LRRC4C: variants seen among roughly 807,000 people sequenced by gnomAD.
The protein encoded by LRRC4C is leucine rich repeat containing 4C, also known as leucine-rich repeat-containing protein 4C.
LRRC4C carries 5 observed loss-of-function variants against 33.6 expected under a neutral mutation model. The observed-to-expected ratio is 0.15, with a 90% CI of 0.08 to 0.31. The LOEUF (loss-of-function observed/expected upper bound fraction) is 0.31, where lower values mean the gene tolerates loss of function less well. Among genes scored for constraint, LRRC4C ranks in the 10% least tolerant of loss-of-function variants. The pLI is 1.00. For synonymous variants in LRRC4C, 329 were observed against 302.0 expected (o/e 1.09, Z -0.93); for missense variants, 560 against 796.7 (o/e 0.70, Z 3.58).
chr11:40,392,318 A>G (rs1949368568), intron 3 of LRRC4C, among the ~76,000 whole-genome samples: 1 of 152,188 alleles, frequency 6.6e-6, no homozygotes, highest in Non-Finnish European at 1.5e-5. Flanking sequence ...AACATTAGTT[A>G]CTATTAATGT....
At chr11:40,892,070 G>A (rs1301794655) in intron 2 of LRRC4C, among the ~76,000 whole-genome samples, 1 of 147,818 alleles carries the variant, frequency 6.8e-6, no homozygotes, top group Non-Finnish European at 1.5e-5. Context: ...GTGAGGCGGA[G>A]CTTGCAGTGA....
At chr11:41,085,384 C>T (rs1019453075) in intron 1 of LRRC4C, among the ~76,000 whole-genome samples, 1 of 152,116 alleles carries the variant, frequency 6.6e-6, no homozygotes, top group African/African-American at 2.4e-5. Context: ...ACAAGTATAT[C>T]TCTCTTAAAG....
At chr11:40,882,411 A>G (rs1456449367) in intron 2 of LRRC4C, among the ~76,000 whole-genome samples, 1 of 152,166 alleles carries the variant, frequency 6.6e-6, no homozygotes, top group African/African-American at 2.4e-5. Context: ...ATATGGTCAC[A>G]CTACCTACGG....
At chr11:40,583,409 G>T (rs967054957) in intron 3 of LRRC4C, among the ~76,000 whole-genome samples, 1 of 152,126 alleles carries the variant, frequency 6.6e-6, no homozygotes, top group African/African-American at 2.4e-5. Context: ...ACCTTTAATG[G>T]TGCCGCTTTC....
At chr11:40,846,098 A>T (rs1403309570) in intron 2 of LRRC4C, among the ~76,000 whole-genome samples, 1 of 150,858 alleles carries the variant, frequency 6.6e-6, no homozygotes, top group African/African-American at 2.4e-5. Context: ...AGATGGACAG[A>T]TTGCAAAAAT....
rs116737860 is a variant in LRRC4C at position 40,402,244 on chromosome 11, A to T, written c.-269-82523T>A. 4.7e-3 allele frequency among the ~76,000 whole-genome samples: 718 copies of T among 152,256 alleles called. 3 individuals are homozygous for T. The highest frequency in any genetic ancestry group is 0.016 in the African/African-American group (672 of 41,568). On this transcript the variant is annotated intron_variant, in intron 3 of 6. Coordinates refer to ENST00000528697, the MANE Select transcript of LRRC4C (RefSeq NM_001258419.2). ...TATGTTTGTCTCCATTTGCCATTGT[A>T]AACAAAAGTTGGTATCAGTAATTCC...
intron 5 of LRRC4C, among the ~76,000 whole-genome samples, chr11:40,183,911 G>T (rs1342935935): frequency 6.6e-6 from 1 of 152,188 alleles, no homozygotes; most frequent in African/African-American, 2.4e-5. Context: ...GTCCTTGAGA[G>T]GGGTCAAGAG....
Position 40,390,941 on chromosome 11 carries a change from G to C in LRRC4C, c.-269-71220C>G, listed in dbSNP as rs1199688018. The stretch of plus-strand genomic sequence containing the variant: ...CTGTCACCCAGGCTGGAGTGCAATG[G>C]TGCAGTCTAGGCTCACTGCAACCTC... On this transcript the variant is annotated intron_variant, in intron 3 of 6. Coordinates refer to ENST00000528697, the MANE Select transcript of LRRC4C (RefSeq NM_001258419.2). Among the ~76,000 whole-genome samples, 7 of 152,150 alleles carry C rather than the reference G, an allele frequency of 4.6e-5. No homozygotes were observed. The South Asian group carries it at 1.2e-3, about 27-fold the overall frequency.
At chr11:40,543,813 C>G (rs968877928) in intron 3 of LRRC4C, among the ~76,000 whole-genome samples, 1 of 151,984 alleles carries the variant, frequency 6.6e-6, no homozygotes, top group Non-Finnish European at 1.5e-5. Context: ...GGAAACTTGT[C>G]AACAGTGATC....
intron 2 of LRRC4C, among the ~76,000 whole-genome samples, chr11:40,827,721 C>T (rs903324808): frequency 1.3e-5 from 2 of 151,432 alleles, no homozygotes; most frequent in Non-Finnish European, 3.0e-5. Context: ...AGTATGTTTG[C>T]GTGTGTGCAT....
intron 3 of LRRC4C, among the ~76,000 whole-genome samples, chr11:40,617,991 T>C (rs1294321560): frequency 1.3e-5 from 2 of 151,692 alleles, no homozygotes; most frequent in African/African-American, 4.8e-5. Context: ...CCCTTGTTCC[T>C]TCTTGCCCTG....
intron 1 of LRRC4C, among the ~76,000 whole-genome samples, chr11:41,311,391 A>C (rs1409999056): frequency 1.3e-5 from 2 of 152,216 alleles, no homozygotes; most frequent in African/African-American, 4.8e-5. Context: ...TATTGAAAAA[A>C]ATAAGAGCAG....
At chr11:40,657,382 C>T (rs1480071199) in intron 2 of LRRC4C, among the ~76,000 whole-genome samples, 1 of 152,156 alleles carries the variant, frequency 6.6e-6, no homozygotes. Flanking sequence ...TCAAACAGAG[C>T]CATGTTCTCT....
chr11:40,296,728 A>C (rs1944534646), intron 4 of LRRC4C, among the ~76,000 whole-genome samples: 1 of 152,238 alleles, frequency 6.6e-6, no homozygotes, highest in African/African-American at 2.4e-5. Flanking sequence ...TGCTGAAAAA[A>C]AACATAATTA....
At chr11:40,121,529 A>G (rs1421758931) in intron 6 of LRRC4C, among the ~76,000 whole-genome samples, 1 of 152,232 alleles carries the variant, frequency 6.6e-6, no homozygotes, top group Non-Finnish European at 1.5e-5. Context: ...ATTTAAAAGT[A>G]TGCACTACCC....
chr11:40,882,445 A>G (rs1955228985), intron 2 of LRRC4C, among the ~76,000 whole-genome samples: 1 of 152,118 alleles, frequency 6.6e-6, no homozygotes, highest in South Asian at 2.1e-4. Context: ...GTCCAAATAC[A>G]TTAGGCTAGA....
chr11:41,368,354 G>A (rs910570777), intron 1 of LRRC4C, among the ~76,000 whole-genome samples: 1 of 152,144 alleles, frequency 6.6e-6, no homozygotes, highest in Non-Finnish European at 1.5e-5. Context: ...TTTGTGCCAT[G>A]TTTCTCATTC....
At chr11:40,919,500 T>G (rs1957090134) in intron 2 of LRRC4C, among the ~76,000 whole-genome samples, 1 of 152,158 alleles carries the variant, frequency 6.6e-6, no homozygotes, top group Non-Finnish European at 1.5e-5. Flanking sequence ...TTACCTTATT[T>G]AAACTGGTCT....
At chr11:40,828,673 T>C (rs1952272691) in intron 2 of LRRC4C, among the ~76,000 whole-genome samples, 1 of 151,920 alleles carries the variant, frequency 6.6e-6, no homozygotes, top group Admixed American at 6.6e-5. Flanking sequence ...GTTGCTGTTC[T>C]GGCTCTACCA....
Sources: allele counts gnomAD v4.1 joint callset (sites outside exome capture counted in the v4.1 genomes callset), GRCh38; gene constraint gnomAD v4.1.1; transcripts MANE v1.5; gene names NCBI Gene and HGNC (gene_info 2026-07-23, HGNC 2026-07-21).